GULP1: variants seen among roughly 807,000 people sequenced by gnomAD.
GULP1 encodes the protein PTB domain-containing engulfment adapter protein 1.
A neutral mutation model predicts 40.9 loss-of-function variants in GULP1; 19 were observed. The ratio of observed to expected loss-of-function variants is 0.46; its 90% CI spans 0.32 to 0.68. The LOEUF (loss-of-function observed/expected upper bound fraction) is 0.68, where lower values mean the gene tolerates loss of function less well. GULP1 is among the 30% of genes least tolerant of loss of function. The probability of loss-of-function intolerance (pLI) is 0.03; values close to 1 mark genes in which losing one functional copy is unlikely to be tolerated. For synonymous variants in GULP1, 119 were observed against 117.6 expected (o/e 1.01, Z -0.08); for missense variants, 312 against 362.2 (o/e 0.86, Z 1.12).
At chr2:188,430,620 A>G (rs2056760202) in intron 2 of GULP1, among the ~76,000 whole-genome samples, 1 of 152,226 alleles carries the variant, frequency 6.6e-6, no homozygotes, top group African/African-American at 2.4e-5. Flanking sequence ...AACAACTTCA[A>G]AAATAAAAGT....
intron 1 of GULP1, among the ~76,000 whole-genome samples, chr2:188,336,638 G>A (rs1033548697): frequency 2.0e-5 from 3 of 152,118 alleles, no homozygotes; most frequent in African/African-American, 7.2e-5. Flanking sequence ...TGGATGAGGT[G>A]GTCTGGAAAG....
chr2:188,593,758 C>T (rs1704048434), intron 11 of GULP1, 182 bp from the exon 12 acceptor site: 3 of 471,754 alleles, frequency 6.4e-6, no homozygotes, highest in African/African-American at 5.8e-5. Context: ...GTTAATGGGT[C>T]TGAAAGAACT....
chr2:188,450,433 T>C lies in GULP1; in HGVS notation c.-44-27226T>C, dbSNP rs527305286. The stretch of plus-strand genomic sequence containing the variant: ...GCCAATATATGAAATAGGGGAATAA[T>C]AGTTACCTGGAGTAATTAGATGTAG... On this transcript the variant is annotated intron_variant, in intron 2 of 11. Coordinates refer to ENST00000409830, the MANE Select transcript of GULP1 (RefSeq NM_016315.4). Among the ~76,000 whole-genome samples, 2 of 152,262 alleles carry C rather than the reference T, an allele frequency of 1.3e-5. 1 individual carries two copies. The highest frequency in any genetic ancestry group is 4.8e-5 in the African/African-American group (2 of 41,570).
intron 2 of GULP1, among the ~76,000 whole-genome samples, chr2:188,388,145 C>T (rs1269834352): frequency 4.7e-5 from 7 of 148,984 alleles, no homozygotes. Context: ...GTTTTTTTGT[C>T]CTTGCGATAG....
In GULP1 at chr2:188,383,807, A is replaced by T. The variant is rs914331909; in HGVS notation, c.-127A>T. On this transcript the variant is annotated 5_prime_UTR_variant, in exon 2 of 12. Coordinates refer to ENST00000409830, the MANE Select transcript of GULP1 (RefSeq NM_016315.4). ...ATATACATAGGAGAGAAACTGATAG[A>T]AGAATTCTGATGGCAACTGTATGAT... 1 of 152,304 alleles carries T rather than the reference A, an allele frequency of 6.6e-6. No individual in the cohort carries two copies. The highest frequency in any genetic ancestry group is 1.5e-5 in the Non-Finnish European group (1 of 68,012). 9.4% of individuals were successfully genotyped at this position (152,304 alleles called of 1,614,324 possible). A position where few individuals can be genotyped will look rare whatever the true frequency, so the allele number is the denominator to read the frequency against.
intron 1 of GULP1, among the ~76,000 whole-genome samples, chr2:188,361,990 C>T (rs1482185964): frequency 1.3e-5 from 2 of 151,732 alleles, no homozygotes; most frequent in Middle Eastern, 3.2e-3. Context: ...TTTATTGTTC[C>T]TCAATTTTAA....
At chr2:188,558,309 C>G (rs1404080728) in intron 7 of GULP1, among the ~76,000 whole-genome samples, 1 of 152,156 alleles carries the variant, frequency 6.6e-6, no homozygotes, top group Non-Finnish European at 1.5e-5. Context: ...GTGAATAAGT[C>G]TCATGAGATC....
rs148693714 is a variant in GULP1 at position 188,492,956 on chromosome 2, C to T, written c.90+9464C>T. ...ATTTCTGCCTGGTAGCATAGTCCAC[C>T]CCAGTTTTTGTTTCTTATTTTAGTC... On this transcript the variant is annotated intron_variant, in intron 4 of 11. Coordinates refer to ENST00000409830, the MANE Select transcript of GULP1 (RefSeq NM_016315.4). 4.8e-4 allele frequency among the ~76,000 whole-genome samples: 73 copies of T among 152,100 alleles called. 1 individual carries two copies. In the East Asian group the frequency reaches 0.014, roughly 30 times the overall value.
At chr2:188,295,915 ATGAATGGTAGG>A (rs2034813170) in intron 1 of GULP1, among the ~76,000 whole-genome samples, 3 of 152,042 alleles carry the variant, frequency 2.0e-5, no homozygotes, top group Admixed American at 2.0e-4. Context: ...ATTTCCATTG[ATGAATGGTAGG>A]TGATTTTAAT....
At chr2:188,512,352 G>C (rs1218244367) in intron 4 of GULP1, among the ~76,000 whole-genome samples, 3 of 151,870 alleles carry the variant, frequency 2.0e-5, no homozygotes, top group African/African-American at 7.3e-5. Flanking sequence ...ATAAAAAGTA[G>C]GAATTATTCT....
chr2:188,549,425 A>G (rs1692871956), intron 7 of GULP1, among the ~76,000 whole-genome samples: 1 of 151,792 alleles, frequency 6.6e-6, no homozygotes, highest in Non-Finnish European at 1.5e-5. Flanking sequence ...CCATTAGGGA[A>G]ATGCAAATTA....
intron 2 of GULP1, among the ~76,000 whole-genome samples, chr2:188,430,810 C>G (rs1464870815): frequency 6.6e-6 from 1 of 152,110 alleles, no homozygotes; most frequent in Non-Finnish European, 1.5e-5. Flanking sequence ...TGAGAACCAG[C>G]CATAAAGAAA....
At chr2:188,587,467 G>A (rs1188051541) in intron 10 of GULP1, among the ~76,000 whole-genome samples, 2 of 151,992 alleles carry the variant, frequency 1.3e-5, no homozygotes, top group African/African-American at 4.8e-5. Context: ...GTGTTGCAAG[G>A]CATCAATCAA....
chr2:188,496,676 G>A (rs990807957), intron 4 of GULP1, among the ~76,000 whole-genome samples: 5 of 151,884 alleles, frequency 3.3e-5, no homozygotes, highest in African/African-American at 4.8e-5. Context: ...AGTTAAAGGA[G>A]TAAAACAGAC....
intron 5 of GULP1, among the ~76,000 whole-genome samples, chr2:188,524,858 G>A (rs1685754721): frequency 1.3e-5 from 2 of 151,286 alleles, no homozygotes; most frequent in East Asian, 1.9e-4. Flanking sequence ...ATATAATTCA[G>A]TATGTGAATT....
At chr2:188,584,958 A>G (rs1702059121) in intron 10 of GULP1, among the ~76,000 whole-genome samples, 1 of 152,174 alleles carries the variant, frequency 6.6e-6, no homozygotes. Flanking sequence ...ATTAGAAAAC[A>G]CCTATAAGCC....
intron 1 of GULP1, among the ~76,000 whole-genome samples, chr2:188,330,744 A>G (rs936370638): frequency 1.3e-5 from 2 of 152,218 alleles, no homozygotes; most frequent in Non-Finnish European, 2.9e-5. Context: ...AATTTATAAT[A>G]CTGAACTTCT....
chr2:188,555,466 T>G (rs1694507108), intron 7 of GULP1, among the ~76,000 whole-genome samples: 1 of 152,200 alleles, frequency 6.6e-6, no homozygotes, highest in South Asian at 2.1e-4. Context: ...TCTTCTTCAT[T>G]TAGAAAGGAG....
intron 1 of GULP1, among the ~76,000 whole-genome samples, chr2:188,353,613 T>C (rs2044820748): frequency 6.6e-6 from 1 of 151,908 alleles, no homozygotes; most frequent in South Asian, 2.1e-4. Flanking sequence ...CCTAGAGCAG[T>C]CACCGCTGCC....
Sources: allele counts gnomAD v4.1 joint callset (sites outside exome capture counted in the v4.1 genomes callset), GRCh38; gene constraint gnomAD v4.1.1; transcripts MANE v1.5; gene names NCBI Gene and HGNC (gene_info 2026-07-23, HGNC 2026-07-21).